Variants in SMU1 observed in about 807,000 individuals in gnomAD.
SMU1 encodes the protein SMU1 DNA replication regulator and spliceosomal factor.
Under a neutral mutation model 62.0 loss-of-function variants are expected in SMU1, and 2 were observed. The ratio of observed to expected loss-of-function variants is 0.03; its 90% CI spans 0.01 to 0.10. The LOEUF is 0.10. Among genes scored for constraint, SMU1 ranks in the 10% least tolerant of loss-of-function variants. The probability of loss-of-function intolerance (pLI) is 1.00; values close to 1 mark genes in which losing one functional copy is unlikely to be tolerated. For missense variants in SMU1, 227 were observed against 622.1 expected (o/e 0.36, Z 6.76); for synonymous variants, 188 against 212.4 (o/e 0.89, Z 1.00).
At position 33,060,458 on chromosome 9, in the gene SMU1, A is replaced by T. The variant is rs183384144; in HGVS notation, c.750+7T>A. 2.0e-4 allele frequency: 323 copies of T among 1,596,398 alleles called. 2 individuals are homozygous for T. In the African/African-American group the frequency reaches 3.8e-3, roughly 19 times the overall value. On this transcript the variant is annotated splice_region_variant and intron_variant, in intron 6 of 11. Transcript: ENST00000397149. ...CTAGGAAGGTTAACACATTTAAAAT[A>T]CTTTACCTTTCTGATTTTTCCAGTA...
At position 33,045,066 on chromosome 9, in the gene SMU1, G is replaced by A. The variant is rs1839170003; in HGVS notation, c.*2227C>T. 2 of 152,142 alleles carry A rather than the reference G, an allele frequency of 1.3e-5. No homozygotes were observed. The highest frequency in any genetic ancestry group is 1.9e-4 in the East Asian group (1 of 5,184). 9.4% of individuals were successfully genotyped at this position (152,142 alleles called of 1,614,324 possible). On this transcript the variant is annotated 3_prime_UTR_variant, in exon 12 of 12. Coordinates refer to ENST00000397149, the MANE Select transcript of SMU1 (RefSeq NM_018225.3). Reference sequence around the variant, plus strand: ...TTTTTTTAACCATATTCATCACCTGGTGCCAGCAACAGAAGTGTTCCCTAA... The same window carrying A: ...TTTTTTTAACCATATTCATCACCTGATGCCAGCAACAGAAGTGTTCCCTAA...
chr9:33,062,064 C>T lies in SMU1; in HGVS notation c.615G>A (p.Leu205=), dbSNP rs1213116535. 2 of 1,613,822 alleles carry T rather than the reference C, an allele frequency of 1.2e-6. No individual in the cohort carries two copies. Among genetic ancestry groups the T allele is most frequent in the Admixed American group, 3.3e-5 (2 of 60,010 alleles). The change falls in exon 5 of 12, where the codon CTG becomes CTA. Residue 205 remains leucine, a synonymous_variant. Coordinates refer to ENST00000397149, the MANE Select transcript of SMU1 (RefSeq NM_018225.3). ...DVEEEKFPTQ[L]SRHIKFGQKS... is the part of the protein sequence containing the mutation. ...AGGATCCTACCTTAATATGCCTGCT[C>T]AGTTGTGTAGGAAACTTTTCTTCTT...
intron 4 of SMU1, among the ~76,000 whole-genome samples, chr9:33,066,804 CA>C (rs74178848): frequency 2.1e-4 from 29 of 136,646 alleles, no homozygotes; most frequent in Admixed American, 2.2e-4. Flanking sequence ...GACTCTGTCT[CA>C]AAAAAAAAAA....
intron 4 of SMU1, among the ~76,000 whole-genome samples, chr9:33,063,606 G>GT (rs1343193959): frequency 6.6e-6 from 1 of 152,130 alleles, no homozygotes; most frequent in Non-Finnish European, 1.5e-5. Flanking sequence ...GAGTAGCCAG[G>GT]GAGCAAGAGC....
intron 5 of SMU1, among the ~76,000 whole-genome samples, chr9:33,061,569 T>C (rs1839361413): frequency 6.6e-6 from 1 of 151,972 alleles, no homozygotes; most frequent in Non-Finnish European, 1.5e-5. Context: ...ACTCTCAGAT[T>C]TAAAAAAATA....
chr9:33,076,243 T>C (rs1839544579), intron 1 of SMU1, among the ~76,000 whole-genome samples: 1 of 152,214 alleles, frequency 6.6e-6, no homozygotes, highest in Admixed American at 6.5e-5. Context: ...TAAAGAGACC[T>C]ATCCCCTTGC....
chr9:33,056,094 C>G lies in SMU1; in HGVS notation c.1122+19G>C. On this transcript the variant is annotated intron_variant, in intron 9 of 11. Coordinates refer to ENST00000397149, the MANE Select transcript of SMU1 (RefSeq NM_018225.3). ...GATGGGGTAGACATCCCAAAATAAA[C>G]TGATAGCAAATACTTAACCTTTACA... 1 of 1,591,076 alleles carries G rather than the reference C, an allele frequency of 6.3e-7. No homozygotes were observed. Among genetic ancestry groups the G allele is most frequent in the Non-Finnish European group, 8.6e-7 (1 of 1,166,808 alleles).
At position 33,053,189 on chromosome 9, in the gene SMU1, T is replaced by C. The variant is rs748316574; in HGVS notation, c.1224A>G (p.Lys408=). 1 of 1,612,322 alleles carries C rather than the reference T, an allele frequency of 6.2e-7. No homozygotes were observed. The highest frequency in any genetic ancestry group is 1.3e-5 in the African/African-American group (1 of 74,982). ...TGCACACCACAAAGTGCTCAGGGTTTTTAGGAAGTAGAATCACACTGTTGA... is the reference window on the plus strand; with the variant it reads ...TGCACACCACAAAGTGCTCAGGGTTCTTAGGAAGTAGAATCACACTGTTGA... ...ITVNSVILLP[K]NPEHFVVCNR... The change falls in exon 10 of 12, where the codon AAA becomes AAG. Residue 408 remains lysine (K), a synonymous_variant. Coordinates refer to ENST00000397149, the MANE Select transcript of SMU1 (RefSeq NM_018225.3).
intron 10 of SMU1, among the ~76,000 whole-genome samples, chr9:33,051,417 A>T (rs146803597): frequency 1.3e-5 from 2 of 152,284 alleles, no homozygotes; most frequent in Non-Finnish European, 2.9e-5. Flanking sequence ...GTCCAAACCT[A>T]CAGAACATAC....
chr9:33,043,356 A>G lies in SMU1; in HGVS notation c.*3937T>C, dbSNP rs13283015. ...TCAGCATGAAACTTCTGAGACTGAC[A>G]GCAAGAATTAAAACACCTTTTGTAT... On this transcript the variant is annotated 3_prime_UTR_variant, in exon 12 of 12. Coordinates refer to ENST00000397149, the MANE Select transcript of SMU1 (RefSeq NM_018225.3). 29,568 of 152,202 alleles carry G rather than the reference A, an allele frequency of 0.19. 3,123 individuals are homozygous for G. The highest frequency in any genetic ancestry group is 0.29 in the Middle Eastern group (85 of 294). The allele number at this position is 152,202 out of a possible 1,614,324, so 9.4% of individuals were successfully genotyped here. A position where few individuals can be genotyped will look rare whatever the true frequency, so the allele number is the denominator to read the frequency against.
chr9:33,055,099 C>T lies in SMU1; in HGVS notation c.1122+1014G>A, dbSNP rs565708220. Reference sequence around the variant, plus strand: ...CAAGGGAGCATACATCTCCTGCCTTCGGGTTTCCAGTTCGATTTCCAATCA... The same window carrying T: ...CAAGGGAGCATACATCTCCTGCCTTTGGGTTTCCAGTTCGATTTCCAATCA... On this transcript the variant is annotated intron_variant, in intron 9 of 11. Transcript: ENST00000397149. Among the ~76,000 whole-genome samples, 16 of 152,262 alleles carry T rather than the reference C, an allele frequency of 1.1e-4. No individual in the cohort carries two copies. In the South Asian group the frequency reaches 2.9e-3, roughly 28 times the overall value.
intron 7 of SMU1, 95 bp from the exon 8 acceptor site, chr9:33,057,059 T>C (rs1839312133): frequency 7.4e-7 from 1 of 1,354,672 alleles, no homozygotes; most frequent in African/African-American, 1.5e-5. Flanking sequence ...TGCTCACTAA[T>C]GTACTGAAAC....
At chr9:33,072,122 T>A (rs1839493387) in intron 2 of SMU1, among the ~76,000 whole-genome samples, 2 of 152,024 alleles carry the variant, frequency 1.3e-5, no homozygotes. Flanking sequence ...TCACTTGAGG[T>A]CAGCAGTTCG....
chr9:33,073,037 A>G (rs1312040838), intron 2 of SMU1, among the ~76,000 whole-genome samples: 1 of 152,114 alleles, frequency 6.6e-6, no homozygotes. Context: ...GGCCCCTTGA[A>G]TCACACCTGG....
At chr9:33,058,237 C>T (rs12377812) in intron 6 of SMU1, among the ~76,000 whole-genome samples, 16,837 of 152,100 alleles carry the variant, frequency 0.11, 1,135 homozygotes, top group Non-Finnish European at 0.15. Context: ...TATAAAGAAA[C>T]ATATAAAGTA....
chr9:33,059,094 T>C (rs1315932280), intron 6 of SMU1, among the ~76,000 whole-genome samples: 1 of 152,178 alleles, frequency 6.6e-6, no homozygotes, highest in African/African-American at 2.4e-5. Context: ...TACAATTAGG[T>C]TAGATTGGAA....
rs1197401945 is a variant in SMU1 at position 33,056,912 on chromosome 9, C to T, written c.920G>A (p.Ser307Asn). The T allele has an allele frequency of 6.2e-7, 1 of 1,613,550 alleles. No individual in the cohort carries two copies. The highest frequency in any genetic ancestry group is 1.1e-5 in the South Asian group (1 of 91,064). The change falls in exon 8 of 12, where the codon AGT becomes AAT. Residue 307 changes from serine to asparagine, a missense_variant. By Grantham distance (46) the Ser-to-Asn change is conservative (BLOSUM62 1). Coordinates refer to ENST00000397149, the MANE Select transcript of SMU1 (RefSeq NM_018225.3). ...AAAGCTTAGACAGGTGACACCCTTA[C>T]TGTGTGCCCTCTCAAATCTCCTTAA... ...QCLRRFERAH[S>N]KGVTCLSFSK... is the part of the protein sequence containing the mutation.
At chr9:33,048,305 G>C (rs1839208129) in intron 10 of SMU1, 47 bp from the exon 11 acceptor site, 2 of 1,606,022 alleles carry the variant, frequency 1.2e-6, no homozygotes, top group Non-Finnish European at 1.7e-6. Flanking sequence ...ATTAGTAGCA[G>C]CTCAACCATG....
rs1265578017 is a variant in SMU1, at chr9:33,042,110, G to C, written c.*5183C>G. The C allele has an allele frequency of 1.3e-5, 2 of 152,384 alleles. No individual in the cohort carries two copies. The highest frequency in any genetic ancestry group is 4.8e-5 in the African/African-American group (2 of 41,326). The allele number at this position is 152,384 out of a possible 1,614,324, so 9.4% of individuals were successfully genotyped here. ...ATTAAAAATCCTAAGAACACTAAAA[G>C]AAAGTCATATTAGGTCGGTTGGTGC... On this transcript the variant is annotated 3_prime_UTR_variant, in exon 12 of 12. Coordinates refer to ENST00000397149, the MANE Select transcript of SMU1 (RefSeq NM_018225.3).
Sources: gnomAD v4.1 joint callset for allele counts (sites outside exome capture counted in the v4.1 genomes callset) on GRCh38, gnomAD v4.1.1 for gene constraint, MANE v1.5 for transcripts, NCBI Gene and HGNC (gene_info 2026-07-23, HGNC 2026-07-21) for gene names.